LDB2: variants seen among roughly 807,000 people sequenced by gnomAD.
The protein encoded by LDB2 is LIM domain binding 2, also known as LIM domain-binding protein 2.
A neutral mutation model predicts 44.3 loss-of-function variants in LDB2; 12 were observed. The ratio of observed to expected loss-of-function variants is 0.27; its 90% confidence interval spans 0.17 to 0.44. The LOEUF (loss-of-function observed/expected upper bound fraction) is 0.44. Ranked by LOEUF, LDB2 falls within the 20% of genes least tolerant of loss-of-function variation. The pLI is 1.00. For synonymous variants in LDB2, 164 were observed against 174.8 expected, an observed-to-expected ratio of 0.94 and a Z score of 0.49; for missense variants, 344 against 473.5, an observed-to-expected ratio of 0.73 and a Z score of 2.54.
At chr4:16,816,471 C>T (rs1438786383) in intron 1 of LDB2, among the ~76,000 whole-genome samples, 6 of 142,944 alleles carry the variant, frequency 4.2e-5, no homozygotes, top group Non-Finnish European at 7.5e-5. Context: ...GGCAATTACA[C>T]GATCTCAGCT....
intron 1 of LDB2, chr4:16,889,415 C>T (rs549788274): frequency 1.3e-5 from 2 of 152,286 alleles, no homozygotes; most frequent in Non-Finnish European, 2.9e-5. Flanking sequence ...AGATTCCCAA[C>T]AGATTTGCAC....
chr4:16,537,455 A>G (rs1271304440), intron 5 of LDB2, among the ~76,000 whole-genome samples: 1 of 152,236 alleles, frequency 6.6e-6, no homozygotes, highest in Non-Finnish European at 1.5e-5. Context: ...TAAAATCCTT[A>G]ACAGTCTCAT....
chr4:16,814,134 T>A (rs1175100716), intron 1 of LDB2, among the ~76,000 whole-genome samples: 1 of 152,180 alleles, frequency 6.6e-6, no homozygotes, highest in Non-Finnish European at 1.5e-5. Context: ...CCTTCCAAAG[T>A]GTTGGGATTA....
At chr4:16,744,467 A>AT (rs199932720) in intron 2 of LDB2, among the ~76,000 whole-genome samples, 2,162 of 136,368 alleles carry the variant, frequency 0.016, 67 homozygotes, top group African/African-American at 0.055. Flanking sequence ...AAGTCACGTG[A>AT]TTTTTTTTTG....
intron 1 of LDB2, among the ~76,000 whole-genome samples, chr4:16,855,356 CAAATTAT>C (rs909509915): frequency 6.6e-6 from 1 of 152,030 alleles, no homozygotes; most frequent in African/African-American, 2.4e-5. Context: ...TGAAGAAGTA[CAAATTAT>C]AAATTATATC....
At chr4:16,849,674 C>T (rs2110172937) in intron 1 of LDB2, among the ~76,000 whole-genome samples, 2 of 152,254 alleles carry the variant, frequency 1.3e-5, no homozygotes, top group African/African-American at 4.8e-5. Flanking sequence ...TCCTGTTTGT[C>T]AAAAAATAAC....
intron 1 of LDB2, among the ~76,000 whole-genome samples, chr4:16,778,184 A>G (rs1772386103): frequency 2.6e-5 from 4 of 152,226 alleles, no homozygotes. Context: ...AAGGTCTGAC[A>G]TCTGAATGTT....
Position 16,538,302 on chromosome 4 carries a change from G to A in LDB2, c.616-26198C>T, listed in dbSNP as rs192541532. 2.0e-3 allele frequency among the ~76,000 whole-genome samples: 310 copies of A among 152,336 alleles called. 1 individual carries two copies. The highest frequency in any genetic ancestry group is 3.8e-3 in the Non-Finnish European group (258 of 68,038). ...TGTGCGCTGTGCTGCTGAGTGTGGT[G>A]TGTGACCTGTGAAATGAAAAATCCC... On this transcript the variant is annotated intron_variant, in intron 5 of 7. Transcript: ENST00000304523.
At chr4:16,586,331 G>C (rs1394833596) in intron 4 of LDB2, among the ~76,000 whole-genome samples, 1 of 152,100 alleles carries the variant, frequency 6.6e-6, no homozygotes, top group Non-Finnish European at 1.5e-5. Flanking sequence ...TGCCAGGAGA[G>C]CTCCAGGTCT....
intron 2 of LDB2, among the ~76,000 whole-genome samples, chr4:16,627,481 A>C (rs1172091070): frequency 2.6e-5 from 4 of 152,194 alleles, no homozygotes; most frequent in Non-Finnish European, 5.9e-5. Context: ...AACATTTATC[A>C]TTATCATCAT....
intron 1 of LDB2, among the ~76,000 whole-genome samples, chr4:16,840,894 T>C (rs937558685): frequency 6.6e-6 from 1 of 152,216 alleles, no homozygotes; most frequent in Non-Finnish European, 1.5e-5. Context: ...TCCTGGCTCA[T>C]GGCTGCCTGG....
At chr4:16,881,684 A>G (rs1720174120) in intron 1 of LDB2, among the ~76,000 whole-genome samples, 1 of 149,706 alleles carries the variant, frequency 6.7e-6, no homozygotes, top group African/African-American at 2.5e-5. Flanking sequence ...CCTGATAAGG[A>G]TGAAATTTTC....
intron 2 of LDB2, among the ~76,000 whole-genome samples, chr4:16,714,973 T>C (rs998727398): frequency 1.3e-5 from 2 of 152,180 alleles, no homozygotes; most frequent in Non-Finnish European, 2.9e-5. Flanking sequence ...TTTCAAATAC[T>C]ATGGGTTAGG....
chr4:16,597,811 G>C (rs1054991217), intron 2 of LDB2, among the ~76,000 whole-genome samples: 1 of 152,124 alleles, frequency 6.6e-6, no homozygotes, highest in Non-Finnish European at 1.5e-5. Flanking sequence ...AAAGTTGAAT[G>C]GGAAAAAGGT....
intron 5 of LDB2, among the ~76,000 whole-genome samples, chr4:16,516,610 G>C (rs182916387): frequency 1.6e-4 from 24 of 152,214 alleles, no homozygotes; most frequent in African/African-American, 5.3e-4. Context: ...GACCTGTTTG[G>C]ACCTAGAAAG....
chr4:16,790,326 T>A (rs1775432306), intron 1 of LDB2, among the ~76,000 whole-genome samples: 1 of 152,226 alleles, frequency 6.6e-6, no homozygotes, highest in Non-Finnish European at 1.5e-5. Context: ...CATAATACGG[T>A]CATGCACCAT....
intron 1 of LDB2, among the ~76,000 whole-genome samples, chr4:16,812,257 C>T (rs560688095): frequency 6.6e-6 from 1 of 152,286 alleles, no homozygotes; most frequent in Non-Finnish European, 1.5e-5. Flanking sequence ...GTCCAATTAT[C>T]ACCAGCCATT....
intron 1 of LDB2, among the ~76,000 whole-genome samples, chr4:16,857,342 C>A (rs766790865): frequency 1.3e-5 from 2 of 152,224 alleles, no homozygotes; most frequent in Non-Finnish European, 2.9e-5. Flanking sequence ...CACATCCAAG[C>A]CACCATCCTT....
chr4:16,546,622 G>A (rs1735856858), intron 5 of LDB2, among the ~76,000 whole-genome samples: 2 of 152,152 alleles, frequency 1.3e-5, no homozygotes, highest in Admixed American at 1.3e-4. Flanking sequence ...AGGGTCTTCA[G>A]CTCCTTGCCA....
Sources: gnomAD v4.1 joint callset for allele counts (sites outside exome capture counted in the v4.1 genomes callset) on GRCh38, gnomAD v4.1.1 for gene constraint, MANE v1.5 for transcripts, NCBI Gene and HGNC (gene_info 2026-07-23, HGNC 2026-07-21) for gene names.